PRKD2: variants seen among roughly 807,000 people sequenced by gnomAD.
The protein encoded by PRKD2 is protein kinase D2.
A neutral mutation model predicts 86.0 loss-of-function variants in PRKD2; 22 were observed. The observed-to-expected ratio is 0.26, with a 90% CI of 0.18 to 0.37. PRKD2 has a LOEUF of 0.37. Ranked by LOEUF, PRKD2 falls within the 10% of genes least tolerant of loss-of-function variation. The pLI is 1.00. For missense variants in PRKD2, 818 were observed against 1,199.2 expected (o/e 0.68, Z 4.70); for synonymous variants, 509 against 510.9 (o/e 1.00, Z 0.05).
intron 14 of PRKD2, among the ~76,000 whole-genome samples, chr19:46,685,258 C>CAAAAAAAAA: frequency 1.1e-5 from 1 of 89,094 alleles, no homozygotes; most frequent in Non-Finnish European, 2.1e-5. Flanking sequence ...GACTTCGTCT[C>CAAAAAAAAA]AAAAAAAAAA....
In PRKD2 at chr19:46,704,284, G is replaced by A. The variant is rs1168493407; in HGVS notation, c.774C>T (p.Leu258=). 1 of 1,614,100 alleles carries A rather than the reference G, an allele frequency of 6.2e-7. No homozygotes were observed. The highest frequency in any genetic ancestry group is 8.5e-7 in the Non-Finnish European group (1 of 1,180,050). Residue 258 remains leucine (L), a synonymous_variant, in exon 5 of 18, where the codon CTC becomes CTT. Transcript: ENST00000291281. The part of the protein sequence containing the change: ...GRPIELDKML[L]SKVKVPHTFL... ...AGGTGTGCGGCACCTTGACCTTGGA[G>A]AGCAGCATCTTGTCCAGCTCAATGG...
intron 14 of PRKD2, among the ~76,000 whole-genome samples, chr19:46,687,855 C>A (rs529706242): frequency 9.5e-4 from 145 of 152,182 alleles, no homozygotes; most frequent in African/African-American, 3.3e-3. Context: ...AGAAAAAGGG[C>A]TGCTTGCCCG....
rs1287898100 is a variant in PRKD2, at chr19:46,714,015, G to C, written c.241-14C>G. 3 of 1,611,610 alleles carry C rather than the reference G, an allele frequency of 1.9e-6. No individual in the cohort carries two copies. The East Asian group carries it at 6.7e-5, about 36-fold the overall frequency. On this transcript the variant is annotated splice_polypyrimidine_tract_variant and intron_variant, in intron 1 of 17. Coordinates refer to ENST00000291281, the MANE Select transcript of PRKD2 (RefSeq NM_016457.5). ...ACACTCAGGGAACTGAGGGGCGGGA[G>C]AGGGATGTGGCGACGGAAAAGCTCA...
intron 12 of PRKD2, among the ~76,000 whole-genome samples, 195 bp from the exon 13 acceptor site, chr19:46,690,901 CA>C (rs895512240): frequency 6.6e-6 from 1 of 151,964 alleles, no homozygotes; most frequent in Non-Finnish European, 1.5e-5. Flanking sequence ...AGAAGGAAAG[CA>C]AAAAACAAAC....
At chr19:46,711,603 G>A (rs1300871968) in intron 2 of PRKD2, among the ~76,000 whole-genome samples, 1 of 152,024 alleles carries the variant, frequency 6.6e-6, no homozygotes, top group Non-Finnish European at 1.5e-5. Context: ...ATGTTGGCCA[G>A]GATGGTCTCA....
Position 46,678,818 on chromosome 19 carries a change from T to C in PRKD2, c.2071-155A>G, listed in dbSNP as rs1465157050. Among the ~76,000 whole-genome samples, 3 of 151,128 alleles carry C rather than the reference T, an allele frequency of 2.0e-5. No homozygotes were observed. Among genetic ancestry groups the C allele is most frequent in the Non-Finnish European group, 4.4e-5 (3 of 68,002 alleles). On this transcript the variant is annotated intron_variant, in intron 15 of 17. Transcript: ENST00000291281. The surrounding 1 kb of genome is among the most constrained non-coding windows in gnomAD (Gnocchi z 5.7). ...CACTAGCTGAGCAACCCTGGGCAGG[T>C]GACTTCCCCCCTCTGTGCCTCAGTT...
rs200962415 is a variant in PRKD2 at position 46,716,218 on chromosome 19, G to A, written c.153C>T (p.Ile51=). Residue 51 remains isoleucine (I), a synonymous_variant, in exon 1 of 18, where the codon ATC becomes ATT. Transcript: ENST00000291281. The surrounding 1 kb of genome is among the most constrained non-coding windows in gnomAD (Gnocchi z 7.9). ...PGSGVSFHIQ[I]GLTREFVLLP... is the part of the protein sequence containing the mutation. ...ACAGCACGAACTCGCGGGTCAGCCC[G>A]ATCTGGATGTGAAAGGAGACCCCGG... 457 of 1,609,996 alleles carry A rather than the reference G, an allele frequency of 2.8e-4. 3 individuals carry two copies. Among genetic ancestry groups the A allele is most frequent in the Admixed American group, 1.5e-4 (9 of 59,768 alleles).
Position 46,704,534 on chromosome 19 carries a change from G to A in PRKD2, c.627C>T (p.Leu209=), listed in dbSNP as rs1468904243. ...TGCAGGGCAGGGACTCGGAGGTGCCGAGGCGCACCGAGTGGCCACTGGCCA... is the reference window on the plus strand; with the variant it reads ...TGCAGGGCAGGGACTCGGAGGTGCCAAGGCGCACCGAGTGGCCACTGGCCA... ...TSLASGHSVR[L]GTSESLPCTA... Residue 209 remains leucine (L), a synonymous_variant, in exon 4 of 18, where the codon CTC becomes CTT. Transcript: ENST00000291281. The A allele has an allele frequency of 7.4e-6, 12 of 1,613,994 alleles. No homozygotes were observed. The highest frequency in any genetic ancestry group is 5.0e-5 in the Admixed American group (3 of 59,994).
intron 7 of PRKD2, among the ~76,000 whole-genome samples, chr19:46,698,299 G>A (rs569744317): frequency 2.6e-4 from 39 of 152,168 alleles, no homozygotes; most frequent in South Asian, 1.2e-3. Flanking sequence ...ATCCCTTCAC[G>A]AGATCCATCC....
In PRKD2 at chr19:46,692,061, C is replaced by G. The variant is rs1347316768; in HGVS notation, c.1577-76G>C. The stretch of plus-strand genomic sequence containing the variant: ...CTCCACCCATACCTGCAAAAGCAGA[C>G]TTGGGAGTCAGGCCACCCAGATTTG... On this transcript the variant is annotated intron_variant, in intron 10 of 17. Coordinates refer to ENST00000291281, the MANE Select transcript of PRKD2 (RefSeq NM_016457.5). The G allele has an allele frequency of 5.4e-6, 8 of 1,472,258 alleles. No homozygotes were observed. The Admixed American group carries it at 1.2e-4, about 22-fold the overall frequency. The allele number at this position is 1,472,258 out of a possible 1,614,324, so 91.2% of individuals were successfully genotyped here. A position where few individuals can be genotyped will look rare whatever the true frequency, so the allele number is the denominator to read the frequency against.
In PRKD2 at chr19:46,694,092, C is replaced by G. The variant is rs1159210222; in HGVS notation, c.1359G>C (p.Gln453His). ...LSEILTVESA[Q>H]NFSLVPPGTN... Reference sequence around the variant, plus strand: ...TGCCCGGCGGCACAAGGCTGAAGTTCTGGGCGGACTCCACCGTGAGGATTT... The same window carrying G: ...TGCCCGGCGGCACAAGGCTGAAGTTGTGGGCGGACTCCACCGTGAGGATTT... Residue 453 changes from glutamine to histidine, a missense_variant, in exon 10 of 18, where the codon CAG becomes CAC. Transcript: ENST00000291281. The G allele has an allele frequency of 6.2e-7, 1 of 1,614,156 alleles. No individual in the cohort carries two copies. The highest frequency in any genetic ancestry group is 1.3e-5 in the African/African-American group (1 of 75,058).
At chr19:46,710,760 C>A in intron 3 of PRKD2, 147 bp downstream of exon 3, 1 of 948,622 alleles carries the variant, frequency 1.1e-6, no homozygotes, top group Non-Finnish European at 1.5e-6. Flanking sequence ...TGGGCCCATC[C>A]TTCTTCCCAT....
In PRKD2 at chr19:46,678,661, C is replaced by T; in HGVS notation, c.2073G>A (p.Val691=). 2 of 1,602,698 alleles carry T rather than the reference C, an allele frequency of 1.2e-6. No individual in the cohort carries two copies. Among genetic ancestry groups the T allele is most frequent in the Non-Finnish European group, 1.7e-6 (2 of 1,179,128 alleles). Residue 691 remains valine, a splice_region_variant and synonymous_variant, in exon 16 of 18, where the codon GTG becomes GTA. Coordinates refer to ENST00000291281, the MANE Select transcript of PRKD2 (RefSeq NM_016457.5). The surrounding 1 kb of genome is among the most constrained non-coding windows in gnomAD (Gnocchi z 5.7). ...GAGCAAAGCCAAAGTCACACAGCTT[C>T]ACCTGCAGAGGGCAAGGGATGGAGG... The part of the protein sequence containing the change: ...LLASADPFPQ[V]KLCDFGFARI...
chr19:46,703,994 A>ACACACACACACACACACACAC (rs2053674145), intron 5 of PRKD2, among the ~76,000 whole-genome samples, 175 bp downstream of exon 5: 1 of 51,370 alleles, frequency 1.9e-5, no homozygotes, highest in Non-Finnish European at 4.4e-5. Context: ...CACACACACA[A>ACACACACACACACACACACAC]CTGAGGTTCT....
intron 1 of PRKD2, chr19:46,714,633 G>C (rs966662050): frequency 6.6e-6 from 1 of 152,360 alleles, no homozygotes. Context: ...AAACTGCCCC[G>C]GTGGGGCCTC....
chr19:46,708,574 G>C (rs751034505), intron 3 of PRKD2, among the ~76,000 whole-genome samples: 43 of 151,810 alleles, frequency 2.8e-4, no homozygotes, highest in Non-Finnish European at 5.6e-4. Flanking sequence ...TCCTCCCAAA[G>C]TGCTGGGATT....
intron 7 of PRKD2, among the ~76,000 whole-genome samples, chr19:46,699,083 C>T (rs1163182662): frequency 6.6e-6 from 1 of 152,108 alleles, no homozygotes; most frequent in East Asian, 1.9e-4. Context: ...TCTGTCCAAC[C>T]CTCTTCCCCT....
intron 5 of PRKD2, 65 bp from the exon 6 acceptor site, chr19:46,701,177 C>G: frequency 6.6e-7 from 1 of 1,520,328 alleles, no homozygotes; most frequent in South Asian, 1.1e-5. Flanking sequence ...AAGGCTTGAA[C>G]CTTGACCCTA....
At chr19:46,705,561 C>A (rs1023408876) in intron 3 of PRKD2, among the ~76,000 whole-genome samples, 2 of 152,124 alleles carry the variant, frequency 1.3e-5, no homozygotes, top group African/African-American at 2.4e-5. Flanking sequence ...CCAAGGCCGG[C>A]GGATCACTTG....
Sources: gnomAD v4.1 joint callset for allele counts (sites outside exome capture counted in the v4.1 genomes callset) on GRCh38, gnomAD v4.1.1 for gene constraint, Gnocchi (gnomAD v3.1) non-coding constraint, MANE v1.5 for transcripts, NCBI Gene and HGNC (gene_info 2026-07-23, HGNC 2026-07-21) for gene names.